Variants in USH2A observed in about 807,000 individuals in gnomAD.
USH2A encodes the protein usherin.
In USH2A, 443 loss-of-function variants were observed where a neutral mutation model predicts 538.9. The ratio of observed to expected loss-of-function variants is 0.82; its 90% CI spans 0.76 to 0.89. The LOEUF is 0.89. USH2A is among the 40% of genes least tolerant of loss of function. The pLI is 0.00. For synonymous variants in USH2A, 2,413 were observed against 2,273.5 expected, an observed-to-expected ratio of 1.06 and a Z score of -1.75; for missense variants, 6,633 against 6,324.8, an observed-to-expected ratio of 1.05 and a Z score of -1.65.
chr1:215,909,889 C>T (rs555088037), intron 38 of USH2A, among the ~76,000 whole-genome samples: 1 of 152,030 alleles, frequency 6.6e-6, no homozygotes, highest in African/African-American at 2.4e-5. Context: ...GACTCCTAAG[C>T]TTCTGGTCTA....
chr1:216,062,605 T>C (rs2031221748), intron 30 of USH2A, among the ~76,000 whole-genome samples: 1 of 152,136 alleles, frequency 6.6e-6, no homozygotes, highest in Non-Finnish European at 1.5e-5. Flanking sequence ...ATAATATAAA[T>C]AAGGTTTTCA....
At chr1:215,662,607 C>G (rs148981529) in intron 64 of USH2A, among the ~76,000 whole-genome samples, 15 of 152,312 alleles carry the variant, frequency 9.8e-5, no homozygotes, top group Admixed American at 2.6e-4. Context: ...AGGCCCTGGG[C>G]CTAGTGGCGA....
At chr1:215,713,091 G>A (rs1659385361) in intron 61 of USH2A, among the ~76,000 whole-genome samples, 2 of 152,220 alleles carry the variant, frequency 1.3e-5, no homozygotes, top group South Asian at 4.1e-4. Context: ...ACAGGCATGA[G>A]CCACAGCGCC....
At position 215,927,998 on chromosome 1, in the gene USH2A, A is replaced by G. The variant is rs191512282; in HGVS notation, c.7300+6618T>C. 2.0e-5 allele frequency among the ~76,000 whole-genome samples: 3 copies of G among 152,216 alleles called. No homozygotes were observed. The East Asian group carries it at 5.8e-4, about 29-fold the overall frequency. ...GTAAAAGACACAGCAATAGCAAAAT[A>G]TAACTTTCAGGATTATTTTCCAAGT... On this transcript the variant is annotated intron_variant, in intron 38 of 71. Coordinates refer to ENST00000307340, the MANE Select transcript of USH2A (RefSeq NM_206933.4).
At chr1:215,918,288 T>A (rs2102486215) in intron 38 of USH2A, among the ~76,000 whole-genome samples, 2 of 152,200 alleles carry the variant, frequency 1.3e-5, no homozygotes, top group South Asian at 4.1e-4. Flanking sequence ...CTCCTATAAT[T>A]CTTACGTTGA....
intron 21 of USH2A, among the ~76,000 whole-genome samples, chr1:216,160,062 G>A (rs953242498): frequency 6.6e-6 from 1 of 151,588 alleles, no homozygotes; most frequent in African/African-American, 2.4e-5. Flanking sequence ...TTGATCACTT[G>A]CAAAGAAATT....
intron 35 of USH2A, among the ~76,000 whole-genome samples, chr1:215,977,151 T>C (rs1483614134): frequency 6.6e-6 from 1 of 152,036 alleles, no homozygotes; most frequent in African/African-American, 2.4e-5. Context: ...TTCCAAAGAA[T>C]GAATCAGGAA....
intron 4 of USH2A, 103 bp downstream of exon 4, chr1:216,364,850 A>G: frequency 6.9e-7 from 1 of 1,448,366 alleles, no homozygotes; most frequent in Non-Finnish European, 9.5e-7. Context: ...GTAGCCCTAG[A>G]AGATGAATAC....
chr1:216,185,016 A>C (rs1213285116), intron 20 of USH2A, among the ~76,000 whole-genome samples: 1 of 151,984 alleles, frequency 6.6e-6, no homozygotes, highest in Non-Finnish European at 1.5e-5. Flanking sequence ...AGAAGGGTTT[A>C]AACTAAACTC....
At chr1:216,124,202 T>C (rs1034463736) in intron 21 of USH2A, among the ~76,000 whole-genome samples, 4 of 152,114 alleles carry the variant, frequency 2.6e-5, no homozygotes, top group Non-Finnish European at 5.9e-5. Context: ...GAAACATGAC[T>C]TGAACTGGAT....
intron 11 of USH2A, among the ~76,000 whole-genome samples, chr1:216,273,837 C>A (rs1263236253): frequency 6.7e-6 from 1 of 149,524 alleles, no homozygotes; most frequent in Non-Finnish European, 1.5e-5. Context: ...AACAAACCAG[C>A]ACACATTCAT....
chr1:216,229,863 G>A (rs1009369308), intron 14 of USH2A, among the ~76,000 whole-genome samples: 17 of 152,112 alleles, frequency 1.1e-4, no homozygotes, highest in African/African-American at 2.4e-5. Flanking sequence ...GATAATGGGA[G>A]AGGAACAGAA....
chr1:216,017,572 A>G (rs1668745853), intron 32 of USH2A, among the ~76,000 whole-genome samples: 1 of 152,330 alleles, frequency 6.6e-6, no homozygotes, highest in Middle Eastern at 3.4e-3. Flanking sequence ...CATACAATAT[A>G]TAATATCTTG....
At position 216,246,830 on chromosome 1, in the gene USH2A, ATTGT is replaced by A; in HGVS notation, c.2560_2563del (p.Thr854Ter). On this transcript the variant is annotated frameshift_variant, in exon 13 of 72. Transcript: ENST00000307340. LOFTEE classifies it high-confidence loss of function. ...TTTGTTACACAGCAGAGAGCCATTT[ATTGT>A]CCCAGTCTTATCACAGTTGCAAGGC... is the stretch of plus-strand genomic sequence containing the variant. 6.2e-7 allele frequency: 1 copy of A among 1,614,174 alleles called. No individual in the cohort carries two copies. Among genetic ancestry groups the A allele is most frequent in the Non-Finnish European group, 8.5e-7 (1 of 1,179,990 alleles).
At chr1:216,114,273 G>T (rs1041929835) in intron 21 of USH2A, among the ~76,000 whole-genome samples, 1 of 151,576 alleles carries the variant, frequency 6.6e-6, no homozygotes, top group Non-Finnish European at 1.5e-5. Context: ...GGTTTTGATG[G>T]CTTTTTTAGG....
intron 55 of USH2A, among the ~76,000 whole-genome samples, chr1:215,775,372 G>T (rs901228700): frequency 6.6e-6 from 1 of 152,108 alleles, no homozygotes; most frequent in African/African-American, 2.4e-5. Context: ...ATTTAGATAC[G>T]TTTGACAGTG....
intron 47 of USH2A, among the ~76,000 whole-genome samples, chr1:215,835,164 CAAAAAAAAAAA>C (rs34758891): frequency 3.6e-5 from 2 of 56,120 alleles, no homozygotes; most frequent in Non-Finnish European, 6.3e-5. Flanking sequence ...AGTGATGCAC[CAAAAAAAAAAA>C]AAAAAAAAAA....
intron 61 of USH2A, among the ~76,000 whole-genome samples, chr1:215,686,240 T>C (rs1430289845): frequency 6.6e-6 from 1 of 152,088 alleles, no homozygotes; most frequent in Non-Finnish European, 1.5e-5. Flanking sequence ...TGTATATACA[T>C]ACACACAATT....
chr1:216,175,214 T>C, intron 21 of USH2A, 38 bp downstream of exon 21: 1 of 1,612,714 alleles, frequency 6.2e-7, no homozygotes, highest in Non-Finnish European at 8.5e-7. Context: ...TTTTGGAGCT[T>C]CGTGTCTCCT....
Sources: allele counts gnomAD v4.1 joint callset (sites outside exome capture counted in the v4.1 genomes callset), GRCh38; gene constraint gnomAD v4.1.1; transcripts MANE v1.5; gene names NCBI Gene and HGNC (gene_info 2026-07-23, HGNC 2026-07-21).